Variants in GSR observed in about 807,000 individuals in gnomAD.
GSR encodes the protein glutathione-disulfide reductase, also known as glutathione reductase, mitochondrial.
In GSR, 48 loss-of-function variants were observed where a neutral mutation model predicts 56.5. That is an observed-to-expected ratio of 0.85 (90% CI 0.67 to 1.08). GSR has a LOEUF of 1.08. Ranked by LOEUF, GSR falls within the 50% of genes least tolerant of loss-of-function variation. GSR has a pLI of 0.00. For synonymous variants in GSR, 264 were observed against 270.8 expected (o/e 0.97, Z 0.25); for missense variants, 694 against 703.3 (o/e 0.99, Z 0.15).
rs570638203 is a variant in GSR at position 30,721,189 on chromosome 8, G to T, written c.306+6341C>A. On this transcript the variant is annotated intron_variant, in intron 1 of 12. Coordinates refer to ENST00000221130, the MANE Select transcript of GSR (RefSeq NM_000637.5). ...TGTGAGACAACTCTTCTGGATGTCA[G>T]TCCCCACTATTACCTGATACCCACC... Among the ~76,000 whole-genome samples the T allele has an allele frequency of 1.2e-4, 18 of 152,312 alleles. No homozygotes were observed. In the East Asian group the frequency reaches 2.9e-3, roughly 24 times the overall value.
At chr8:30,690,805 C>A (rs1054405245) in intron 8 of GSR, among the ~76,000 whole-genome samples, 1 of 152,178 alleles carries the variant, frequency 6.6e-6, no homozygotes. Context: ...TGGCTCACAC[C>A]TGTAATCTCA....
At chr8:30,721,607 C>A (rs548108906) in intron 1 of GSR, among the ~76,000 whole-genome samples, 130 of 149,962 alleles carry the variant, frequency 8.7e-4, no homozygotes, top group Admixed American at 1.9e-3. Flanking sequence ...GAGCCAAGAT[C>A]GTGCCACTGC....
intron 3 of GSR, 130 bp from the exon 4 acceptor site, chr8:30,708,271 T>C: frequency 1.3e-6 from 1 of 750,256 alleles, no homozygotes; most frequent in South Asian, 1.4e-5. Flanking sequence ...TGAGTGAATG[T>C]CTCCGAAGAC....
chr8:30,725,261 G>A (rs1804685407), intron 1 of GSR, among the ~76,000 whole-genome samples: 2 of 151,952 alleles, frequency 1.3e-5, no homozygotes. Flanking sequence ...TGGGCAACAT[G>A]GCAAAACCCT....
chr8:30,678,066 TAAG>T lies in GSR; in HGVS notation c.*1451_*1453del, dbSNP rs756212793. 19 of 152,114 alleles carry T rather than the reference TAAG, an allele frequency of 1.2e-4. No individual in the cohort carries two copies. Among genetic ancestry groups the T allele is most frequent in the Non-Finnish European group, 2.4e-4 (16 of 68,020 alleles). The allele number at this position is 152,114 out of a possible 1,614,324, so 9.4% of individuals were successfully genotyped here. Reference sequence around the variant, plus strand: ...TTAAAGCTCACAGTAACAAATTTTATAAGAAGAAAAGGCTGTAATTTTATTTTC... The same window carrying T: ...TTAAAGCTCACAGTAACAAATTTTATAAGAAAAGGCTGTAATTTTATTTTC... On this transcript the variant is annotated 3_prime_UTR_variant, in exon 13 of 13. Coordinates refer to ENST00000221130, the MANE Select transcript of GSR (RefSeq NM_000637.5).
chr8:30,714,753 G>A (rs1323386072), intron 1 of GSR, among the ~76,000 whole-genome samples: 1 of 151,886 alleles, frequency 6.6e-6, no homozygotes, highest in East Asian at 1.9e-4. Flanking sequence ...GGCTGGTCTT[G>A]AACTCCTGAG....
intron 7 of GSR, among the ~76,000 whole-genome samples, chr8:30,694,698 C>T (rs775180780): frequency 3.3e-5 from 5 of 151,452 alleles, no homozygotes; most frequent in East Asian, 1.9e-4. Context: ...CCGAGGTGGG[C>T]GGATCACTTG....
At chr8:30,690,135 C>T (rs1181614519) in intron 8 of GSR, among the ~76,000 whole-genome samples, 1 of 135,420 alleles carries the variant, frequency 7.4e-6, no homozygotes, top group South Asian at 2.2e-4. Context: ...TATAAATATA[C>T]ATTTACATAT....
intron 7 of GSR, among the ~76,000 whole-genome samples, chr8:30,694,961 T>C (rs1016223427): frequency 2.6e-5 from 4 of 151,270 alleles, no homozygotes; most frequent in Admixed American, 6.6e-5. Context: ...CTCAGCTACT[T>C]GGAAGGCTGA....
rs191949218 is a variant in GSR, at chr8:30,691,455, C to T, written c.882+1514G>A. Among the ~76,000 whole-genome samples, 482 of 151,936 alleles carry T rather than the reference C, an allele frequency of 3.2e-3. 2 individuals carry two copies. The highest frequency in any genetic ancestry group is 0.01 in the Middle Eastern group (3 of 294). The stretch of plus-strand genomic sequence containing the variant: ...CAGCACCCTGGGAGGCTGAGGTGAG[C>T]GGATCACTTGAGGTCAGGAGTTGGA... On this transcript the variant is annotated intron_variant, in intron 8 of 12. Coordinates refer to ENST00000221130, the MANE Select transcript of GSR (RefSeq NM_000637.5).
intron 3 of GSR, among the ~76,000 whole-genome samples, chr8:30,709,606 T>G (rs1804037285): frequency 6.6e-6 from 1 of 152,144 alleles, no homozygotes; most frequent in Non-Finnish European, 1.5e-5. Flanking sequence ...AGAAAAGTTC[T>G]GGAAGTGGTA....
intron 6 of GSR, among the ~76,000 whole-genome samples, chr8:30,697,935 C>T (rs1406451435): frequency 6.6e-6 from 1 of 152,090 alleles, no homozygotes; most frequent in Non-Finnish European, 1.5e-5. Context: ...AAGAAATTCG[C>T]TCGCCTCAGG....
intron 8 of GSR, among the ~76,000 whole-genome samples, 177 bp from the exon 9 acceptor site, chr8:30,689,496 T>TA (rs1803288020): frequency 2.0e-5 from 3 of 152,098 alleles, no homozygotes; most frequent in Admixed American, 2.0e-4. Context: ...TGAACTCCCT[T>TA]AAACCAAGCC....
intron 12 of GSR, among the ~76,000 whole-genome samples, chr8:30,680,347 G>T (rs1010678196): frequency 6.6e-6 from 1 of 150,834 alleles, no homozygotes; most frequent in Non-Finnish European, 1.5e-5. Flanking sequence ...AGGATTATAG[G>T]CGTGAGCCAC....
chr8:30,680,782 G>A, intron 12 of GSR, 122 bp downstream of exon 12: 2 of 843,658 alleles, frequency 2.4e-6, no homozygotes, highest in Non-Finnish European at 4.1e-6. Context: ...AGATCAAAGT[G>A]GGCCTGTCCA....
intron 8 of GSR, among the ~76,000 whole-genome samples, chr8:30,690,750 A>C (rs940030500): frequency 6.6e-6 from 1 of 152,146 alleles, no homozygotes; most frequent in Non-Finnish European, 1.5e-5. Context: ...CTAACTACAA[A>C]ATTCAAAGGG....
At chr8:30,684,693 G>A (rs1803093754) in intron 9 of GSR, among the ~76,000 whole-genome samples, 1 of 152,078 alleles carries the variant, frequency 6.6e-6, no homozygotes, top group Non-Finnish European at 1.5e-5. Flanking sequence ...CTTGTCCCAT[G>A]GAAGCACTGC....
chr8:30,685,826 A>C (rs967335992), intron 9 of GSR, among the ~76,000 whole-genome samples: 2 of 151,834 alleles, frequency 1.3e-5, no homozygotes, highest in Non-Finnish European at 2.9e-5. Flanking sequence ...AAATACTAAA[A>C]ATTCGCCAGG....
chr8:30,684,324 A>G, intron 9 of GSR, 125 bp from the exon 10 acceptor site: 1 of 751,910 alleles, frequency 1.3e-6, no homozygotes, highest in Non-Finnish European at 2.4e-6. Flanking sequence ...AGAAACCATG[A>G]GACTCAGCTG....
Sources: gnomAD v4.1 joint callset for allele counts (sites outside exome capture counted in the v4.1 genomes callset) on GRCh38, gnomAD v4.1.1 for gene constraint, MANE v1.5 for transcripts, NCBI Gene and HGNC (gene_info 2026-07-23, HGNC 2026-07-21) for gene names.